Variants in RAB3C observed in about 807,000 individuals in gnomAD.
The protein encoded by RAB3C is RAB3C, member RAS oncogene family, also known as ras-related protein Rab-3C.
RAB3C carries 17 observed loss-of-function variants against 26.4 expected under a neutral mutation model. The observed-to-expected ratio is 0.64, with a 90% CI of 0.44 to 0.97. The LOEUF (loss-of-function observed/expected upper bound fraction) is 0.97. RAB3C is among the 50% of genes least tolerant of loss of function. RAB3C has a pLI of 0.00. For missense variants in RAB3C, 242 were observed against 281.9 expected (o/e 0.86, Z 1.01); for synonymous variants, 91 against 95.9 (o/e 0.95, Z 0.30).
chr5:58,725,775 A>G (rs895523706), intron 2 of RAB3C, among the ~76,000 whole-genome samples: 5 of 151,920 alleles, frequency 3.3e-5, no homozygotes, highest in Admixed American at 6.6e-5. Context: ...AATTATATAA[A>G]TCTATTAAAT....
intron 4 of RAB3C, among the ~76,000 whole-genome samples, chr5:58,843,092 GTCA>G (rs1743911549): frequency 6.6e-6 from 1 of 152,164 alleles, no homozygotes; most frequent in Non-Finnish European, 1.5e-5. Flanking sequence ...GCCTTGTAAA[GTCA>G]TCTACTTCAT....
intron 1 of RAB3C, among the ~76,000 whole-genome samples, chr5:58,615,840 G>A (rs1468755381): frequency 1.3e-5 from 2 of 151,902 alleles, no homozygotes; most frequent in Non-Finnish European, 2.9e-5. Context: ...AATACCCACG[G>A]GTTTTTTGTT....
chr5:58,763,148 C>G (rs1215240744), intron 3 of RAB3C, among the ~76,000 whole-genome samples: 1 of 152,132 alleles, frequency 6.6e-6, no homozygotes, highest in Non-Finnish European at 1.5e-5. Flanking sequence ...CAAAATAGCT[C>G]AAAAACAGTG....
chr5:58,810,843 C>T (rs576247094), intron 3 of RAB3C, among the ~76,000 whole-genome samples: 38 of 152,302 alleles, frequency 2.5e-4, no homozygotes, highest in African/African-American at 8.2e-4. Context: ...GTGATCCACC[C>T]GCCTTGGCAT....
intron 2 of RAB3C, among the ~76,000 whole-genome samples, chr5:58,710,885 G>A (rs916608604): frequency 3.3e-5 from 5 of 152,090 alleles, no homozygotes; most frequent in Middle Eastern, 6.8e-3. Context: ...TCTATTTTAG[G>A]GAGTTCATCA....
chr5:58,830,271 A>G (rs978228058), intron 4 of RAB3C, among the ~76,000 whole-genome samples: 1 of 152,214 alleles, frequency 6.6e-6, no homozygotes, highest in African/African-American at 2.4e-5. Context: ...AGAATATACT[A>G]ATGGAACCAA....
intron 1 of RAB3C, among the ~76,000 whole-genome samples, chr5:58,585,264 G>A (rs1745988679): frequency 6.6e-6 from 1 of 151,902 alleles, no homozygotes; most frequent in African/African-American, 2.4e-5. Flanking sequence ...ATAATAGATA[G>A]GATAAAAACT....
chr5:58,654,746 G>A (rs954396064), intron 2 of RAB3C, among the ~76,000 whole-genome samples: 9 of 152,000 alleles, frequency 5.9e-5, no homozygotes, highest in African/African-American at 1.9e-4. Flanking sequence ...ATCTTTTACT[G>A]TATAGCTGTC....
At chr5:58,609,399 G>A (rs1746645814) in intron 1 of RAB3C, among the ~76,000 whole-genome samples, 1 of 152,132 alleles carries the variant, frequency 6.6e-6, no homozygotes, top group Non-Finnish European at 1.5e-5. Flanking sequence ...CCTTTGAAAT[G>A]TACCAGAAGG....
At chr5:58,702,580 C>A (rs1489340670) in intron 2 of RAB3C, among the ~76,000 whole-genome samples, 1 of 96,944 alleles carries the variant, frequency 1.0e-5, no homozygotes, top group African/African-American at 4.3e-5. Context: ...CTCTCTCTCT[C>A]TTTCTTTTTC....
At chr5:58,774,956 C>A (rs575761520) in intron 3 of RAB3C, among the ~76,000 whole-genome samples, 8 of 152,156 alleles carry the variant, frequency 5.3e-5, no homozygotes, top group African/African-American at 1.9e-4. Flanking sequence ...GGCTTTTGCT[C>A]TGGGGAAAAT....
At chr5:58,601,905 T>C (rs990475846) in intron 1 of RAB3C, among the ~76,000 whole-genome samples, 1 of 152,090 alleles carries the variant, frequency 6.6e-6, no homozygotes, top group Non-Finnish European at 1.5e-5. Flanking sequence ...TTTGTGTTTG[T>C]TTTTTTCTTG....
At chr5:58,820,388 C>A (rs1400229933) in intron 3 of RAB3C, among the ~76,000 whole-genome samples, 1 of 152,158 alleles carries the variant, frequency 6.6e-6, no homozygotes, top group East Asian at 1.9e-4. Flanking sequence ...CCCAACATGG[C>A]ATTGATCTCC....
intron 2 of RAB3C, among the ~76,000 whole-genome samples, chr5:58,713,311 T>A (rs1749100971): frequency 6.6e-6 from 1 of 152,208 alleles, no homozygotes; most frequent in South Asian, 2.1e-4. Flanking sequence ...TTACCATCTT[T>A]TGAAATTTTT....
At chr5:58,676,594 G>T (rs1311951698) in intron 2 of RAB3C, among the ~76,000 whole-genome samples, 1 of 152,106 alleles carries the variant, frequency 6.6e-6, no homozygotes, top group Non-Finnish European at 1.5e-5. Context: ...CAGACTGGAG[G>T]TGCGGGGTGG....
intron 4 of RAB3C, among the ~76,000 whole-genome samples, chr5:58,847,545 G>C (rs1221019689): frequency 2.6e-5 from 4 of 152,284 alleles, no homozygotes; most frequent in African/African-American, 9.6e-5. Context: ...GTTAGTGAAA[G>C]AACAAAGGCT....
At chr5:58,613,412 G>T (rs1443525530) in intron 1 of RAB3C, among the ~76,000 whole-genome samples, 1 of 152,098 alleles carries the variant, frequency 6.6e-6, no homozygotes, top group Non-Finnish European at 1.5e-5. Context: ...TTACCATTTT[G>T]ATGAGGGCCT....
intron 4 of RAB3C, among the ~76,000 whole-genome samples, chr5:58,833,664 C>T (rs775239018): frequency 1.3e-5 from 2 of 152,040 alleles, no homozygotes; most frequent in Non-Finnish European, 2.9e-5. Flanking sequence ...GGGAAGACAT[C>T]CAGAAAAGTC....
intron 3 of RAB3C, among the ~76,000 whole-genome samples, chr5:58,822,152 C>G (rs558210950): frequency 6.3e-4 from 96 of 152,302 alleles, no homozygotes; most frequent in Middle Eastern, 6.8e-3. Context: ...ATAGCTTCCT[C>G]TCAGCTTCCT....
Sources: allele counts gnomAD v4.1 joint callset (sites outside exome capture counted in the v4.1 genomes callset), GRCh38; gene constraint gnomAD v4.1.1; transcripts MANE v1.5; gene names NCBI Gene and HGNC (gene_info 2026-07-23, HGNC 2026-07-21).